The following FAM117B variants were observed in gnomAD, a reference collection of about 807,000 sequenced individuals.
The protein encoded by FAM117B is protein FAM117B.
FAM117B carries 22 observed loss-of-function variants against 52.8 expected under a neutral mutation model. That is an observed-to-expected ratio of 0.42 (90% CI 0.30 to 0.59). FAM117B has a LOEUF of 0.59. Among genes scored for constraint, FAM117B ranks in the 20% least tolerant of loss-of-function variants. The pLI, the probability that FAM117B is intolerant of heterozygous loss-of-function variation, is 0.22. For missense variants in FAM117B, 678 were observed against 802.6 expected (o/e 0.84, Z 1.88); for synonymous variants, 309 against 324.1 (o/e 0.95, Z 0.50).
chr2:202,711,632 T>C lies in FAM117B; in HGVS notation c.754-13285T>C, dbSNP rs1038250992. Among the ~76,000 whole-genome samples, 11 of 152,184 alleles carry C rather than the reference T, an allele frequency of 7.2e-5. 1 individual carries two copies. Among genetic ancestry groups the C allele is most frequent in the Admixed American group, 1.3e-4 (2 of 15,286 alleles). Reference sequence around the variant, plus strand: ...GAAATCTTTGCCCAGACAAACATCATGGAGAGTTTTCCCAATGTTTTCTTG... The same window carrying C: ...GAAATCTTTGCCCAGACAAACATCACGGAGAGTTTTCCCAATGTTTTCTTG... On this transcript the variant is annotated intron_variant, in intron 2 of 7. Transcript: ENST00000392238.
At chr2:202,704,498 A>G (rs1316648473) in intron 2 of FAM117B, among the ~76,000 whole-genome samples, 1 of 152,188 alleles carries the variant, frequency 6.6e-6, no homozygotes, top group African/African-American at 2.4e-5. Flanking sequence ...TGCTGCAGCA[A>G]AGAGTATGTT....
chr2:202,719,584 G>A (rs1691117472), intron 2 of FAM117B, among the ~76,000 whole-genome samples: 1 of 152,058 alleles, frequency 6.6e-6, no homozygotes, highest in African/African-American at 2.4e-5. Flanking sequence ...AACTATTTCA[G>A]CATGTATATG....
intron 1 of FAM117B, among the ~76,000 whole-genome samples, chr2:202,687,150 T>A (rs1301939735): frequency 2.0e-5 from 3 of 152,192 alleles, no homozygotes; most frequent in African/African-American, 7.2e-5. Context: ...ACAACAAGCA[T>A]GGATCTCATG....
chr2:202,696,055 C>A, intron 2 of FAM117B, 23 bp downstream of exon 2: 1 of 1,605,746 alleles, frequency 6.2e-7, no homozygotes, highest in Non-Finnish European at 8.5e-7. Flanking sequence ...TAGTTCTTAT[C>A]CTGAAGTGTT....
intron 1 of FAM117B, among the ~76,000 whole-genome samples, chr2:202,669,491 G>A (rs958175078): frequency 2.6e-5 from 4 of 152,042 alleles, no homozygotes; most frequent in African/African-American, 9.7e-5. Flanking sequence ...TTATTTTCGG[G>A]AGTGAATCAG....
chr2:202,709,727 A>G (rs1372126033), intron 2 of FAM117B, among the ~76,000 whole-genome samples: 1 of 152,158 alleles, frequency 6.6e-6, no homozygotes, highest in Non-Finnish European at 1.5e-5. Context: ...TGTCAAGACC[A>G]ATATCATGAA....
At chr2:202,637,383 G>A (rs1379379900) in intron 1 of FAM117B, among the ~76,000 whole-genome samples, 1 of 151,368 alleles carries the variant, frequency 6.6e-6, no homozygotes, top group Admixed American at 6.6e-5. Context: ...TCAGCCTCCC[G>A]AGTAGCTGGG....
At chr2:202,666,668 C>CTTTTTT (rs1157457357) in intron 1 of FAM117B, among the ~76,000 whole-genome samples, 21 of 125,780 alleles carry the variant, frequency 1.7e-4, no homozygotes, top group African/African-American at 3.4e-4. Context: ...CGTTTCATTT[C>CTTTTTT]TTTTTTTTTT....
chr2:202,674,248 G>A (rs1690344185), intron 1 of FAM117B, among the ~76,000 whole-genome samples: 2 of 152,160 alleles, frequency 1.3e-5, no homozygotes, highest in Non-Finnish European at 2.9e-5. Context: ...CAAACTCAGT[G>A]GGTTTGAAAC....
intron 1 of FAM117B, among the ~76,000 whole-genome samples, chr2:202,667,370 G>T (rs1317117984): frequency 1.3e-5 from 2 of 152,054 alleles, no homozygotes; most frequent in African/African-American, 4.8e-5. Context: ...CAAAGTGGTG[G>T]GATTATTAGC....
chr2:202,715,683 G>A (rs536524618), intron 2 of FAM117B, among the ~76,000 whole-genome samples: 22 of 152,286 alleles, frequency 1.4e-4, no homozygotes, highest in African/African-American at 5.1e-4. Context: ...ATGGCATGGC[G>A]GCCGGGCAGA....
intron 1 of FAM117B, among the ~76,000 whole-genome samples, chr2:202,682,959 A>G (rs1016300599): frequency 2.0e-5 from 3 of 152,222 alleles, no homozygotes; most frequent in African/African-American, 7.2e-5. Flanking sequence ...ACCTACCTTA[A>G]TCTAGAAAGA....
chr2:202,651,214 A>G (rs1689951035), intron 1 of FAM117B, among the ~76,000 whole-genome samples: 1 of 152,012 alleles, frequency 6.6e-6, no homozygotes, highest in South Asian at 2.1e-4. Context: ...GGCACCTGTC[A>G]CCACGCCCAG....
At position 202,765,691 on chromosome 2, in the gene FAM117B, G is replaced by A. The variant is rs752621082; in HGVS notation, c.1697G>A (p.Arg566Gln). ...AACACAGAGCAAGACCGAGTCTCTC[G>A]AGGAACAAGTACAGTCATGCCATCA... is the stretch of plus-strand genomic sequence containing the variant. The part of the protein sequence containing the change: ...STNTEQDRVS[R>Q]GTSTVMPSAS... The change falls in exon 8 of 8, where the codon CGA (arginine) becomes CAA (glutamine). Residue 566 changes from arginine to glutamine, a missense_variant. Arg to Gln is a conservative substitution (Grantham distance 43, BLOSUM62 1). This residue lies in a region of FAM117B where 68 missense variants were observed against 80.6 expected (regional missense o/e 0.84). Transcript: ENST00000392238. The A allele has an allele frequency of 2.5e-6, 4 of 1,614,048 alleles. No homozygotes were observed. Among genetic ancestry groups the A allele is most frequent in the Non-Finnish European group, 3.4e-6 (4 of 1,180,022 alleles).
intron 2 of FAM117B, among the ~76,000 whole-genome samples, chr2:202,704,726 G>A (rs1690847524): frequency 6.6e-6 from 1 of 151,676 alleles, no homozygotes; most frequent in Admixed American, 6.6e-5. Flanking sequence ...TGAGTAGTTG[G>A]GATTATAGGT....
chr2:202,657,022 G>T (rs1690065599), intron 1 of FAM117B, among the ~76,000 whole-genome samples: 1 of 151,978 alleles, frequency 6.6e-6, no homozygotes. Flanking sequence ...TCCATCCTTT[G>T]TTGTATTTAA....
At chr2:202,672,546 T>G (rs1002701113) in intron 1 of FAM117B, among the ~76,000 whole-genome samples, 10 of 152,200 alleles carry the variant, frequency 6.6e-5, no homozygotes, top group African/African-American at 2.4e-4. Flanking sequence ...TCTCACTATT[T>G]CCTTTTACAA....
At chr2:202,674,061 G>A (rs1417808835) in intron 1 of FAM117B, among the ~76,000 whole-genome samples, 1 of 152,004 alleles carries the variant, frequency 6.6e-6, no homozygotes, top group Non-Finnish European at 1.5e-5. Flanking sequence ...GTTTCCTAGG[G>A]TTCCATACAG....
chr2:202,733,363 G>A (rs1691387752), intron 4 of FAM117B, among the ~76,000 whole-genome samples: 2 of 152,148 alleles, frequency 1.3e-5, no homozygotes, highest in Non-Finnish European at 2.9e-5. Context: ...GGGTTCAAGA[G>A]CAGAGAACTG....
Sources: gnomAD v4.1 joint callset for allele counts (sites outside exome capture counted in the v4.1 genomes callset) on GRCh38, gnomAD v4.1.1 for gene constraint, gnomAD v4.1.1 regional missense constraint, MANE v1.5 for transcripts, NCBI Gene and HGNC (gene_info 2026-07-23, HGNC 2026-07-21) for gene names.